Variants in LPA observed in about 807,000 individuals in gnomAD.
The protein encoded by LPA is lipoprotein(a), also known as apolipoprotein(a).
LPA carries 199 observed loss-of-function variants against 197.9 expected under a neutral mutation model. That is an observed-to-expected ratio of 1.01 (90% CI 0.90 to 1.13). LPA has a LOEUF of 1.13. Among genes scored for constraint, LPA ranks in the 50% most tolerant of loss-of-function variants. The pLI is 0.00. For missense variants in LPA, 1,853 were observed against 1,785.8 expected (o/e 1.04, Z -0.68); for synonymous variants, 715 against 639.5 (o/e 1.12, Z -1.78).
intron 28 of LPA, among the ~76,000 whole-genome samples, chr6:160,562,974 C>T (rs139465417): frequency 0.012 from 1,804 of 152,114 alleles, 40 homozygotes; most frequent in African/African-American, 0.041. Flanking sequence ...CTTTATTAGT[C>T]TGGCTAGGCT....
At chr6:160,555,455 A>ATATATATATGTG (rs1287454419) in intron 30 of LPA, among the ~76,000 whole-genome samples, 35 of 133,070 alleles carry the variant, frequency 2.6e-4, no homozygotes, top group African/African-American at 5.4e-4. Flanking sequence ...ATATATATAT[A>ATATATATATGTG]TGTGTGTGTA....
At chr6:160,609,203 T>A (rs907065459) in intron 16 of LPA, among the ~76,000 whole-genome samples, 1 of 152,162 alleles carries the variant, frequency 6.6e-6, no homozygotes, top group African/African-American at 2.4e-5. Flanking sequence ...AGCCTGCTGA[T>A]TCCAAAGTCT....
Position 160,577,135 on chromosome 6 carries a change from C to T in LPA, c.4631+1G>A, listed in dbSNP as rs200099994. On this transcript the variant is annotated splice_donor_variant, in intron 28 of 38. Transcript: ENST00000316300. LOFTEE classifies it high-confidence loss of function. ...TCTTATGGTTTTAATCAAATACATA[C>T]GCATTTGGGTAGTTTTCTGGGGTCC... is the stretch of plus-strand genomic sequence containing the variant. 1.9e-4 allele frequency: 302 copies of T among 1,613,174 alleles called. No homozygotes were observed. The highest frequency in any genetic ancestry group is 4.8e-4 in the South Asian group (44 of 91,056).
At chr6:160,564,226 T>G (rs9457940) in intron 28 of LPA, among the ~76,000 whole-genome samples, 11 of 152,330 alleles carry the variant, frequency 7.2e-5, no homozygotes, top group African/African-American at 2.6e-4. Flanking sequence ...CCATATTTAG[T>G]GTTTTCTTCA....
At chr6:160,598,179 C>T (rs1276769803) in intron 20 of LPA, among the ~76,000 whole-genome samples, 7 of 152,246 alleles carry the variant, frequency 4.6e-5, no homozygotes, top group East Asian at 1.9e-4. Context: ...CTCACTGTTC[C>T]CTTGTAGTTG....
At chr6:160,658,460 A>G (rs2115110505) in intron 1 of LPA, among the ~76,000 whole-genome samples, 1 of 152,242 alleles carries the variant, frequency 6.6e-6, no homozygotes, top group Admixed American at 6.5e-5. Context: ...TCTGCTTCTG[A>G]AGGTGGGAGA....
At position 160,664,209 on chromosome 6, in the gene LPA, T is replaced by C; in HGVS notation, c.6A>G (p.Glu2=). 1.2e-6 allele frequency: 2 copies of C among 1,606,738 alleles called. No individual in the cohort carries two copies. Among genetic ancestry groups the C allele is most frequent in the Non-Finnish European group, 1.7e-6 (2 of 1,178,176 alleles). ...GAAGTAGAAGAACCACTTCCTTATG[T>C]TCCATTTTGGGACTGGCCAGCAGTG... is the stretch of plus-strand genomic sequence containing the variant. M[E]HKEVVLLLLL... is the part of the protein sequence containing the mutation. The change falls in exon 1 of 39, where the codon GAA becomes GAG. Residue 2 remains glutamate, a synonymous_variant. Coordinates refer to ENST00000316300, the MANE Select transcript of LPA (RefSeq NM_005577.4).
chr6:160,588,340 A>G (rs948967270), intron 24 of LPA, among the ~76,000 whole-genome samples: 8 of 151,660 alleles, frequency 5.3e-5, no homozygotes, highest in African/African-American at 1.9e-4. Flanking sequence ...GGGTTGTTGG[A>G]GTTTTTCTGG....
chr6:160,540,430 G>A (rs978409395), intron 35 of LPA, among the ~76,000 whole-genome samples: 3 of 152,226 alleles, frequency 2.0e-5, no homozygotes, highest in Non-Finnish European at 4.4e-5. Context: ...TTCAACTGTA[G>A]TCCCCAGTGA....
At chr6:160,615,408 A>G (rs4708873) in intron 14 of LPA, among the ~76,000 whole-genome samples, 79,015 of 103,890 alleles carry the variant, frequency 0.76, 27,216 homozygotes, top group East Asian at 0.99. Context: ...AGGTTCTCTA[A>G]AATTGTGTGT....
intron 27 of LPA, among the ~76,000 whole-genome samples, chr6:160,578,186 T>G (rs547099909): frequency 6.6e-6 from 1 of 152,350 alleles, no homozygotes; most frequent in South Asian, 2.1e-4. Context: ...GAAAGGCTTA[T>G]TGGCTTGGAA....
At position 160,566,511 on chromosome 6, in the gene LPA, C is replaced by G. The variant is rs561817664; in HGVS notation, c.4632-8940G>C. Among the ~76,000 whole-genome samples, 9 of 152,246 alleles carry G rather than the reference C, an allele frequency of 5.9e-5. No homozygotes were observed. The East Asian group carries it at 1.7e-3, about 29-fold the overall frequency. ...AGGAAGCACTAAACATGGAAAGAAA[C>G]AATCGGTATCAGCCACTGCACAAAC... On this transcript the variant is annotated intron_variant, in intron 28 of 38. Coordinates refer to ENST00000316300, the MANE Select transcript of LPA (RefSeq NM_005577.4).
intron 20 of LPA, among the ~76,000 whole-genome samples, chr6:160,596,891 C>T (rs979103096): frequency 6.6e-6 from 1 of 152,196 alleles, no homozygotes; most frequent in Non-Finnish European, 1.5e-5. Context: ...TATATTCTTA[C>T]TCAGTTCAAA....
intron 20 of LPA, among the ~76,000 whole-genome samples, chr6:160,597,475 C>T (rs1289381783): frequency 6.6e-6 from 1 of 152,154 alleles, no homozygotes. Context: ...TGGGTGTGTG[C>T]ACGTGTGCCA....
intron 30 of LPA, among the ~76,000 whole-genome samples, chr6:160,550,959 C>T (rs567812208): frequency 2.6e-5 from 4 of 152,068 alleles, no homozygotes; most frequent in African/African-American, 9.7e-5. Flanking sequence ...TTGAAATTGT[C>T]TACAGTTTGG....
chr6:160,541,451 A>C (rs1777980592), intron 34 of LPA, among the ~76,000 whole-genome samples: 1 of 152,232 alleles, frequency 6.6e-6, no homozygotes, highest in African/African-American at 2.4e-5. Context: ...AAGTGACTCC[A>C]GAATGAAGCT....
At chr6:160,609,496 T>A (rs1779434463) in intron 16 of LPA, among the ~76,000 whole-genome samples, 2 of 152,160 alleles carry the variant, frequency 1.3e-5, no homozygotes, top group Non-Finnish European at 1.5e-5. Context: ...ACCTTTGAAC[T>A]GTGATGTAGA....
chr6:160,576,974 C>G, intron 28 of LPA, among the ~76,000 whole-genome samples, 162 bp downstream of exon 28: 1 of 152,078 alleles, frequency 6.6e-6, no homozygotes, highest in Admixed American at 6.6e-5. Flanking sequence ...TAAAATTTCT[C>G]TTCTCTTAGA....
chr6:160,544,492 G>C (rs1025211043), intron 33 of LPA, among the ~76,000 whole-genome samples: 3 of 152,022 alleles, frequency 2.0e-5, no homozygotes, highest in Non-Finnish European at 4.4e-5. Context: ...CTTCCCTCTT[G>C]CTCTCCCCAG....
Sources: allele counts gnomAD v4.1 joint callset (sites outside exome capture counted in the v4.1 genomes callset), GRCh38; gene constraint gnomAD v4.1.1; transcripts MANE v1.5; gene names NCBI Gene and HGNC (gene_info 2026-07-23, HGNC 2026-07-21).